Variants in SLC29A3 observed in about 807,000 individuals in gnomAD.
The protein encoded by SLC29A3 is solute carrier family 29 member 3.
In SLC29A3, 18 loss-of-function variants were observed where a neutral mutation model predicts 25.4. The observed-to-expected ratio is 0.71, with a 90% CI of 0.49 to 1.05. SLC29A3 has a LOEUF of 1.05. SLC29A3 is among the 50% of genes least tolerant of loss of function. The probability of loss-of-function intolerance (pLI) is 0.00; values close to 1 mark genes in which losing one functional copy is unlikely to be tolerated. For synonymous variants in SLC29A3, 258 were observed against 267.1 expected, an observed-to-expected ratio of 0.97 and a Z score of 0.33; for missense variants, 586 against 609.0, an observed-to-expected ratio of 0.96 and a Z score of 0.40.
At chr10:71,334,865 A>T (rs1251325068) in intron 2 of SLC29A3, among the ~76,000 whole-genome samples, 1 of 151,920 alleles carries the variant, frequency 6.6e-6, no homozygotes, top group African/African-American at 2.4e-5. Flanking sequence ...TCCAGGCTCT[A>T]GGTTAGCCAA....
chr10:71,363,458 T>G (rs1847123318), downstream of SLC29A3: 1 of 400,678 alleles, frequency 2.5e-6, no homozygotes, highest in South Asian at 1.8e-5. Flanking sequence ...ATTTGAGGAT[T>G]TTTTAAAATT....
chr10:71,372,287 G>A (rs537317639), intron 3 of SLC29A3, among the ~76,000 whole-genome samples: 1 of 152,306 alleles, frequency 6.6e-6, no homozygotes, highest in Admixed American at 6.5e-5. Flanking sequence ...TCACTAGGTG[G>A]AAGGATTATT....
At chr10:71,342,218 C>A (rs1289920588) in intron 2 of SLC29A3, among the ~76,000 whole-genome samples, 1 of 152,148 alleles carries the variant, frequency 6.6e-6, no homozygotes, top group African/African-American at 2.4e-5. Flanking sequence ...TACAACCCAC[C>A]ATGTGTTTCT....
intron 2 of SLC29A3, among the ~76,000 whole-genome samples, chr10:71,330,618 C>T (rs1564527974): frequency 6.6e-6 from 1 of 152,216 alleles, no homozygotes. Context: ...CCCACAGACC[C>T]ACCTGGCAGC....
chr10:71,327,244 A>G (rs1845993413), intron 2 of SLC29A3, among the ~76,000 whole-genome samples: 1 of 152,226 alleles, frequency 6.6e-6, no homozygotes, highest in Non-Finnish European at 1.5e-5. Context: ...TTTCAAGGTC[A>G]GCGGGCTCAT....
intron 2 of SLC29A3, among the ~76,000 whole-genome samples, chr10:71,324,225 A>G (rs1399894314): frequency 1.3e-5 from 2 of 152,210 alleles, no homozygotes; most frequent in Non-Finnish European, 2.9e-5. Flanking sequence ...GCTTGCTGAA[A>G]GCAGGCCCAG....
intron 5 of SLC29A3, among the ~76,000 whole-genome samples, chr10:71,359,195 G>A (rs1414171393): frequency 1.3e-5 from 2 of 152,244 alleles, no homozygotes; most frequent in South Asian, 2.1e-4. Context: ...TTACAGGCAC[G>A]AGCCACTGTG....
At chr10:71,369,334 C>T (rs1485978232) in intron 3 of SLC29A3, among the ~76,000 whole-genome samples, 1 of 152,166 alleles carries the variant, frequency 6.6e-6, no homozygotes, top group East Asian at 1.9e-4. Context: ...TGTTTGTGTT[C>T]TAGTGTTTTG....
chr10:71,346,952 C>T (rs1217215636), intron 3 of SLC29A3, among the ~76,000 whole-genome samples: 3 of 152,102 alleles, frequency 2.0e-5, no homozygotes, highest in African/African-American at 4.8e-5. Context: ...GATTGGGTCC[C>T]GGCAGATGGC....
chr10:71,363,181 C>T lies in SLC29A3; in HGVS notation c.*573C>T, dbSNP rs1240092279. On this transcript the variant is annotated 3_prime_UTR_variant, in exon 6 of 6. Transcript: ENST00000373189. Reference sequence around the variant, plus strand: ...GACTGGAAAACCCAGAAAGATGGGCCTTCCATGAATGCTTCATTCCAGAGG... The same window carrying T: ...GACTGGAAAACCCAGAAAGATGGGCTTTCCATGAATGCTTCATTCCAGAGG... 4 of 447,032 alleles carry T rather than the reference C, an allele frequency of 8.9e-6. No individual in the cohort carries two copies. Among genetic ancestry groups the T allele is most frequent in the African/African-American group, 8.1e-5 (4 of 49,522 alleles). 27.7% of individuals were successfully genotyped at this position (447,032 alleles called of 1,614,324 possible). A position where few individuals can be genotyped will look rare whatever the true frequency, so the allele number is the denominator to read the frequency against.
At chr10:71,370,639 A>T (rs2131858048) in intron 3 of SLC29A3, among the ~76,000 whole-genome samples, 1 of 152,266 alleles carries the variant, frequency 6.6e-6, no homozygotes, top group Admixed American at 6.5e-5. Flanking sequence ...GGCTCAAGTG[A>T]TCCTCCCACC....
intron 4 of SLC29A3, chr10:71,379,682 G>T (rs955141228): frequency 6.6e-6 from 1 of 152,194 alleles, no homozygotes; most frequent in Non-Finnish European, 1.5e-5. Flanking sequence ...TTTATGGAAT[G>T]AAGTGTTGCC....
chr10:71,321,056 A>C (rs1230180412), intron 1 of SLC29A3, among the ~76,000 whole-genome samples: 1 of 152,114 alleles, frequency 6.6e-6, no homozygotes, highest in Non-Finnish European at 1.5e-5. Flanking sequence ...TTAGAGTAGT[A>C]CCTAATATAT....
chr10:71,342,157 C>T (rs761670599), intron 2 of SLC29A3, among the ~76,000 whole-genome samples: 6 of 152,274 alleles, frequency 3.9e-5, no homozygotes, highest in Non-Finnish European at 5.9e-5. Flanking sequence ...AGTCTGCCAC[C>T]ACACCTCATT....
At chr10:71,350,671 A>C (rs1846732390) in intron 3 of SLC29A3, among the ~76,000 whole-genome samples, 1 of 152,122 alleles carries the variant, frequency 6.6e-6, no homozygotes, top group South Asian at 2.1e-4. Context: ...GGCAGCACTA[A>C]CTTGGCATCA....
chr10:71,335,442 C>T (rs573665940), intron 2 of SLC29A3, among the ~76,000 whole-genome samples: 16 of 152,194 alleles, frequency 1.1e-4, no homozygotes, highest in African/African-American at 3.4e-4. Flanking sequence ...GGAGGAGGGG[C>T]GTGGCAGTCA....
intron 5 of SLC29A3, among the ~76,000 whole-genome samples, chr10:71,357,404 G>A (rs1032918400): frequency 1.3e-5 from 2 of 151,662 alleles, no homozygotes; most frequent in African/African-American, 4.8e-5. Flanking sequence ...GACAGAGCAA[G>A]CCTCCATCTC....
At position 71,351,804 on chromosome 10, in the gene SLC29A3, C is replaced by T. The variant is rs202017138; in HGVS notation, c.610+16C>T. On this transcript the variant is annotated intron_variant, in intron 4 of 5. Transcript: ENST00000373189. ...CTGATATCAGGTGAGAGCCAGGGTC[C>T]GGGCAGCTGACCAGGTTCATCCACC... 1.3e-4 allele frequency: 212 copies of T among 1,594,782 alleles called. 1 individual carries two copies. The African/African-American group carries it at 1.6e-3, about 12-fold the overall frequency.
chr10:71,360,207 G>A (rs151150636), intron 5 of SLC29A3, among the ~76,000 whole-genome samples: 389 of 135,740 alleles, frequency 2.9e-3, no homozygotes, highest in African/African-American at 3.6e-3. Flanking sequence ...GCAGTGATGC[G>A]GTCTTGGCTC....
Sources: allele counts gnomAD v4.1 joint callset (sites outside exome capture counted in the v4.1 genomes callset), GRCh38; gene constraint gnomAD v4.1.1; transcripts MANE v1.5; gene names NCBI Gene and HGNC (gene_info 2026-07-23, HGNC 2026-07-21).